IL1RAPL1: variants seen among roughly 807,000 people sequenced by gnomAD.
IL1RAPL1 encodes the protein interleukin-1 receptor accessory protein-like 1.
IL1RAPL1 carries 3 observed loss-of-function variants against 48.4 expected under a neutral mutation model. The observed-to-expected ratio is 0.06, with a 90% CI of 0.03 to 0.16. IL1RAPL1 has a LOEUF of 0.16. Among genes scored for constraint, IL1RAPL1 ranks in the 10% least tolerant of loss-of-function variants. The pLI, the probability that IL1RAPL1 is intolerant of heterozygous loss-of-function variation, is 1.00. For synonymous variants in IL1RAPL1, 185 were observed against 187.7 expected (o/e 0.99, Z 0.12); for missense variants, 349 against 530.6 (o/e 0.66, Z 3.36).
chrX:29,321,898 A>T, intron 3 of IL1RAPL1, among the ~76,000 whole-genome samples: 1 of 111,683 alleles, frequency 9.0e-6, no homozygotes. Flanking sequence ...ATCAGTGCTA[A>T]TTTTTTTAAT....
intron 6 of IL1RAPL1, among the ~76,000 whole-genome samples, chrX:29,801,069 A>C (rs1463902782): frequency 1.1e-5 from 1 of 94,123 alleles, no homozygotes; most frequent in Admixed American, 1.2e-4. Context: ...AAAAAAAAAA[A>C]AAAAAAAAAA....
At position 29,625,157 on chromosome X, in the gene IL1RAPL1, C is replaced by T. The variant is rs185693064; in HGVS notation, c.704-43273C>T. Among the ~76,000 whole-genome samples the T allele has an allele frequency of 9.0e-5, 10 of 111,576 alleles. No individual in the cohort carries two copies. In the East Asian group the frequency reaches 2.2e-3, roughly 25 times the overall value. On this transcript the variant is annotated intron_variant, in intron 5 of 10. Coordinates refer to ENST00000378993, the MANE Select transcript of IL1RAPL1 (RefSeq NM_014271.4). ...AAGGATGGGCCATAGTTTGTTGACC[C>T]CTGCCCTAATAAATTCATTGACTTG...
chrX:29,068,799 A>C (rs1013256571), intron 2 of IL1RAPL1, among the ~76,000 whole-genome samples: 3 of 112,115 alleles, frequency 2.7e-5, no homozygotes, highest in African/African-American at 9.7e-5. Context: ...TTCATTCTTT[A>C]GGCAAAGGCA....
intron 6 of IL1RAPL1, among the ~76,000 whole-genome samples, chrX:29,775,313 A>G (rs1929168684): frequency 9.0e-6 from 1 of 111,541 alleles, no homozygotes; most frequent in Non-Finnish European, 1.9e-5. Context: ...GCAAAGAAGG[A>G]AAAAAACAAA....
chrX:29,059,094 C>T (rs2147431677), intron 2 of IL1RAPL1, among the ~76,000 whole-genome samples: 1 of 111,772 alleles, frequency 8.9e-6, no homozygotes, highest in Non-Finnish European at 1.9e-5. Context: ...CCGTGCAACT[C>T]GGTGGTGGAA....
intron 6 of IL1RAPL1, among the ~76,000 whole-genome samples, chrX:29,813,943 G>A (rs1267232174): frequency 8.9e-6 from 1 of 111,852 alleles, no homozygotes; most frequent in Non-Finnish European, 1.9e-5. Flanking sequence ...TGGCTGTGTA[G>A]TATTCCATGG....
intron 6 of IL1RAPL1, among the ~76,000 whole-genome samples, chrX:29,800,723 G>A (rs1025336679): frequency 1.9e-5 from 2 of 105,235 alleles, no homozygotes; most frequent in East Asian, 3.0e-4. Flanking sequence ...AGTGGCTCAC[G>A]CCTGTAATCC....
chrX:29,425,687 C>T (rs753733619), intron 5 of IL1RAPL1, among the ~76,000 whole-genome samples: 4 of 111,295 alleles, frequency 3.6e-5, no homozygotes, highest in African/African-American at 6.5e-5. Context: ...TCAAGCAATC[C>T]GCCCACCTCA....
chrX:29,946,994 C>G (rs1242301215), intron 9 of IL1RAPL1, among the ~76,000 whole-genome samples: 1 of 112,067 alleles, frequency 8.9e-6, no homozygotes, highest in African/African-American at 3.2e-5. Context: ...AACTTGATTT[C>G]TAATATCCAT....
At chrX:29,591,355 G>A (rs1054355213) in intron 5 of IL1RAPL1, among the ~76,000 whole-genome samples, 2 of 112,533 alleles carry the variant, frequency 1.8e-5, no homozygotes, top group Non-Finnish European at 3.8e-5. Flanking sequence ...AGACTTCTGC[G>A]ATTCAGACAA....
chrX:28,677,517 A>C (rs1935011675), intron 1 of IL1RAPL1, among the ~76,000 whole-genome samples: 1 of 111,580 alleles, frequency 9.0e-6, no homozygotes, highest in South Asian at 3.7e-4. Flanking sequence ...TCTGATACCA[A>C]CACAACTCTG....
At chrX:29,174,506 A>G (rs1356841223) in intron 2 of IL1RAPL1, among the ~76,000 whole-genome samples, 1 of 112,233 alleles carries the variant, frequency 8.9e-6, no homozygotes, top group Non-Finnish European at 1.9e-5. Flanking sequence ...AGACACAGCT[A>G]AGTAATAGTA....
At chrX:29,078,513 T>G (rs1347568331) in intron 2 of IL1RAPL1, among the ~76,000 whole-genome samples, 4 of 111,784 alleles carry the variant, frequency 3.6e-5, no homozygotes, top group Non-Finnish European at 7.5e-5. Context: ...TGACATAGAT[T>G]TGAAGGCCAA....
intron 1 of IL1RAPL1, among the ~76,000 whole-genome samples, chrX:28,765,652 G>A (rs1166075862): frequency 9.0e-6 from 1 of 111,253 alleles, no homozygotes; most frequent in Non-Finnish European, 1.9e-5. Flanking sequence ...TTCCTAAGAT[G>A]AAAATGAGAA....
At chrX:29,193,166 T>A (rs1319080777) in intron 2 of IL1RAPL1, among the ~76,000 whole-genome samples, 1 of 110,911 alleles carries the variant, frequency 9.0e-6, no homozygotes, top group Non-Finnish European at 1.9e-5. Flanking sequence ...CATATGAATA[T>A]CATATTGATT....
intron 2 of IL1RAPL1, among the ~76,000 whole-genome samples, chrX:29,163,472 G>T (rs1346873116): frequency 9.0e-6 from 1 of 111,711 alleles, no homozygotes; most frequent in Admixed American, 9.6e-5. Flanking sequence ...AATTTGGAAA[G>T]GTGTTCCAGC....
intron 6 of IL1RAPL1, among the ~76,000 whole-genome samples, chrX:29,779,550 G>A (rs1288843660): frequency 1.8e-5 from 2 of 110,718 alleles, no homozygotes; most frequent in African/African-American, 6.6e-5. Context: ...CCCGTGACAC[G>A]CAATTTAACC....
intron 6 of IL1RAPL1, among the ~76,000 whole-genome samples, chrX:29,778,499 T>G (rs1929260077): frequency 8.9e-6 from 1 of 111,972 alleles, no homozygotes; most frequent in African/African-American, 3.2e-5. Context: ...AATCCTCCAA[T>G]CTACCGCAGT....
chrX:29,770,598 T>C (rs1198535442), intron 6 of IL1RAPL1, among the ~76,000 whole-genome samples: 4 of 112,046 alleles, frequency 3.6e-5, no homozygotes, highest in Admixed American at 1.9e-4. Context: ...TAAAGGCACA[T>C]AGAGGCTTAG....
Sources: gnomAD v4.1 joint callset for allele counts (sites outside exome capture counted in the v4.1 genomes callset) on GRCh38, gnomAD v4.1.1 for gene constraint, MANE v1.5 for transcripts, NCBI Gene and HGNC (gene_info 2026-07-23, HGNC 2026-07-21) for gene names.